PCSK6: variants seen among roughly 807,000 people sequenced by gnomAD.
PCSK6 encodes paired basic amino acid cleaving enzyme 4.
PCSK6 carries 85 observed loss-of-function variants against 123.3 expected under a neutral mutation model. That is an observed-to-expected ratio of 0.69 (90% CI 0.58 to 0.83). The LOEUF is 0.83. Ranked by LOEUF, PCSK6 falls within the 40% of genes least tolerant of loss-of-function variation. The pLI is 0.00. For missense variants in PCSK6, 1,191 were observed against 1,282.3 expected (o/e 0.93, Z 1.09); for synonymous variants, 508 against 516.0 (o/e 0.98, Z 0.21).
intron 18 of PCSK6, among the ~76,000 whole-genome samples, 155 bp from the exon 19 acceptor site, chr15:101,318,577 C>T (rs1407363322): frequency 6.6e-6 from 1 of 152,274 alleles, no homozygotes; most frequent in East Asian, 1.9e-4. Flanking sequence ...GGAAAGCCAT[C>T]CCGCAGTCCG....
At chr15:101,326,587 G>GT in intron 15 of PCSK6, 108 bp from the exon 16 acceptor site, 3 of 1,084,620 alleles carry the variant, frequency 2.8e-6, no homozygotes, top group Non-Finnish European at 4.0e-6. Flanking sequence ...GTTGGGAGAC[G>GT]CTCCCAGGCC....
intron 19 of PCSK6, among the ~76,000 whole-genome samples, chr15:101,315,867 C>T (rs536252600): frequency 5.3e-5 from 8 of 152,368 alleles, no homozygotes; most frequent in South Asian, 2.1e-4. Context: ...CCAGGACACA[C>T]GGGGCACCTG....
intron 6 of PCSK6, among the ~76,000 whole-genome samples, chr15:101,403,619 C>T (rs2042677089): frequency 6.6e-6 from 1 of 152,136 alleles, no homozygotes; most frequent in South Asian, 2.1e-4. Flanking sequence ...GAACGTGACC[C>T]ACTGGGGGCC....
At chr15:101,342,597 G>A (rs753738639) in intron 13 of PCSK6, among the ~76,000 whole-genome samples, 1 of 152,140 alleles carries the variant, frequency 6.6e-6, no homozygotes, top group Admixed American at 6.5e-5. Flanking sequence ...CTTGGGATTT[G>A]GTATCAAGAA....
intron 15 of PCSK6, among the ~76,000 whole-genome samples, chr15:101,328,089 C>T (rs2040298896): frequency 6.6e-6 from 1 of 152,238 alleles, no homozygotes; most frequent in Non-Finnish European, 1.5e-5. Context: ...CCTCATTTCT[C>T]GCACCATTGC....
rs374025527 is a variant in PCSK6 at position 101,307,232 on chromosome 15, G to A, written c.2793C>T (p.Thr931=). 2.4e-5 allele frequency: 39 copies of A among 1,613,202 alleles called. No individual in the cohort carries two copies. The African/African-American group carries it at 3.9e-4, about 16-fold the overall frequency. Residue 931 remains threonine (T), a synonymous_variant, in exon 21 of 22, where the codon ACC becomes ACT. Transcript: ENST00000611716. ...GFTQLGTSCI[T]NHTCSNADET... is the part of the protein sequence containing the mutation. ...GCTCACCGTTGCTGCACGTGTGGTT[G>A]GTGATGCAGGAGGTCCCCAGCTGTG...
At chr15:101,489,158 G>GC (rs2058094634) in intron 1 of PCSK6, among the ~76,000 whole-genome samples, 5 of 82,744 alleles carry the variant, frequency 6.0e-5, no homozygotes, top group African/African-American at 1.9e-4. Context: ...CGGGACCCCA[G>GC]TCCCCCCCAC....
chr15:101,355,272 C>T (rs2041005513), intron 13 of PCSK6, among the ~76,000 whole-genome samples: 1 of 152,178 alleles, frequency 6.6e-6, no homozygotes, highest in African/African-American at 2.4e-5. Context: ...ATGTGAATAC[C>T]AAGTACGTAA....
chr15:101,330,788 A>G (rs541596836), intron 15 of PCSK6, among the ~76,000 whole-genome samples: 52 of 152,380 alleles, frequency 3.4e-4, no homozygotes, highest in African/African-American at 1.2e-3. Context: ...ATCTTGCCAC[A>G]GTTTATAAAT....
chr15:101,401,450 G>A (rs995006653), intron 6 of PCSK6, among the ~76,000 whole-genome samples: 3 of 152,238 alleles, frequency 2.0e-5, no homozygotes, highest in Non-Finnish European at 4.4e-5. Context: ...GCACTGAGAT[G>A]GCACAAGGCA....
At chr15:101,307,407 C>T (rs759565168) in intron 20 of PCSK6, 82 bp from the exon 21 acceptor site, 2 of 939,924 alleles carry the variant, frequency 2.1e-6, no homozygotes, top group Middle Eastern at 2.1e-4. Context: ...CCTCACCTCC[C>T]TGCACCTCCT....
intron 15 of PCSK6, among the ~76,000 whole-genome samples, chr15:101,329,174 C>G (rs928029121): frequency 6.6e-6 from 1 of 152,138 alleles, no homozygotes; most frequent in East Asian, 1.9e-4. Context: ...TAAACTGACA[C>G]GGGTTTATTT....
chr15:101,431,896 T>C (rs1334598188), intron 3 of PCSK6, 94 bp downstream of exon 3: 15 of 866,728 alleles, frequency 1.7e-5, no homozygotes, highest in Non-Finnish European at 2.9e-5. Context: ...CTGGAGATGT[T>C]GTTTGAATTT....
chr15:101,307,425 C>T lies in PCSK6; in HGVS notation c.2700-100G>A. On this transcript the variant is annotated intron_variant, in intron 20 of 21. Transcript: ENST00000611716. ...CACCTCCCTGCACCTCCTTCCCACC[C>T]CCTCAGCCTCGGTCCTCTGTGGAGA... 11 of 787,886 alleles carry T rather than the reference C, an allele frequency of 1.4e-5. No individual in the cohort carries two copies. In the South Asian group the frequency reaches 1.6e-4, roughly 11 times the overall value. The allele number at this position is 787,886 out of a possible 1,614,324, so 48.8% of individuals were successfully genotyped here.
At chr15:101,358,278 G>A (rs2041105756) in intron 13 of PCSK6, among the ~76,000 whole-genome samples, 1 of 152,186 alleles carries the variant, frequency 6.6e-6, no homozygotes, top group African/African-American at 2.4e-5. Flanking sequence ...ATCTCCTAAT[G>A]GCCTGTATTT....
At chr15:101,431,903 A>G in intron 3 of PCSK6, 87 bp downstream of exon 3, 1 of 937,402 alleles carries the variant, frequency 1.1e-6, no homozygotes, top group South Asian at 1.4e-5. Context: ...TGTTGTTTGA[A>G]TTTAGCTTTG....
At chr15:101,388,062 AG>A (rs2042121129) in intron 9 of PCSK6, among the ~76,000 whole-genome samples, 1 of 152,230 alleles carries the variant, frequency 6.6e-6, no homozygotes, top group Non-Finnish European at 1.5e-5. Flanking sequence ...GCCCCGGAGC[AG>A]GGTTTGTTTT....
chr15:101,438,532 C>T (rs183682839), intron 2 of PCSK6, among the ~76,000 whole-genome samples: 1 of 152,304 alleles, frequency 6.6e-6, no homozygotes, highest in Admixed American at 6.5e-5. Context: ...CCTCCTGTTG[C>T]ATTGGCAAGA....
intron 11 of PCSK6, among the ~76,000 whole-genome samples, chr15:101,375,706 AC>A (rs1452395817): frequency 1.3e-5 from 2 of 152,060 alleles, no homozygotes; most frequent in African/African-American, 4.8e-5. Context: ...ACAAGGCAAC[AC>A]CGCCTGTTGG....
Sources: gnomAD v4.1 joint callset for allele counts (sites outside exome capture counted in the v4.1 genomes callset) on GRCh38, gnomAD v4.1.1 for gene constraint, MANE v1.5 for transcripts, NCBI Gene and HGNC (gene_info 2026-07-23, HGNC 2026-07-21) for gene names.